Variants in CADPS observed in about 807,000 individuals in gnomAD.
CADPS encodes calcium dependent secretion activator.
Under a neutral mutation model 167.3 loss-of-function variants are expected in CADPS, and 57 were observed. The ratio of observed to expected loss-of-function variants is 0.34; its 90% CI spans 0.28 to 0.42. The LOEUF (loss-of-function observed/expected upper bound fraction) is 0.42, where lower values mean the gene tolerates loss of function less well. Ranked by LOEUF, CADPS falls within the 20% of genes least tolerant of loss-of-function variation. The probability of loss-of-function intolerance (pLI) is 1.00; values close to 1 mark genes in which losing one functional copy is unlikely to be tolerated. For synonymous variants in CADPS, 676 were observed against 635.3 expected (o/e 1.06, Z -0.96); for missense variants, 1,414 against 1,738.1 (o/e 0.81, Z 3.32).
intron 1 of CADPS, among the ~76,000 whole-genome samples, chr3:62,871,473 G>A (rs2082619615): frequency 6.6e-6 from 1 of 152,104 alleles, no homozygotes; most frequent in Non-Finnish European, 1.5e-5. Context: ...CACCTGACAT[G>A]TTGTTAGGAT....
chr3:62,646,079 G>T (rs780340419), intron 5 of CADPS, among the ~76,000 whole-genome samples: 2 of 152,026 alleles, frequency 1.3e-5, no homozygotes, highest in Admixed American at 6.6e-5. Context: ...GCTCACAGGG[G>T]CCAGACAGGC....
chr3:62,451,703 A>AT (rs1337386446), intron 26 of CADPS, among the ~76,000 whole-genome samples: 2 of 151,826 alleles, frequency 1.3e-5, no homozygotes, highest in African/African-American at 2.4e-5. Context: ...CTCTGAGTTA[A>AT]TTTTTTTTGT....
chr3:62,513,642 G>A, intron 16 of CADPS: 1 of 1,579,916 alleles, frequency 6.3e-7, no homozygotes, highest in Non-Finnish European at 8.7e-7. Context: ...ACTCACGAAT[G>A]GTTAAATCCA....
At chr3:62,662,813 C>A (rs570202598) in intron 3 of CADPS, among the ~76,000 whole-genome samples, 4 of 152,282 alleles carry the variant, frequency 2.6e-5, no homozygotes, top group African/African-American at 9.6e-5. Context: ...GGCACGGGTC[C>A]AGCCGCTCTC....
intron 6 of CADPS, among the ~76,000 whole-genome samples, chr3:62,638,107 A>ATATATATATG (rs1579348080): frequency 6.7e-6 from 1 of 150,334 alleles, no homozygotes; most frequent in African/African-American, 2.5e-5. Flanking sequence ...ATATATATAT[A>ATATATATATG]GCAATTAATT....
intron 1 of CADPS, among the ~76,000 whole-genome samples, chr3:62,843,810 A>G (rs1193379282): frequency 6.6e-6 from 1 of 152,074 alleles, no homozygotes; most frequent in Non-Finnish European, 1.5e-5. Flanking sequence ...ATATCCAACT[A>G]CAAGAGTAGG....
At chr3:62,870,821 T>G (rs1000847236) in intron 1 of CADPS, among the ~76,000 whole-genome samples, 1 of 152,196 alleles carries the variant, frequency 6.6e-6, no homozygotes, top group Admixed American at 6.5e-5. Context: ...AAGTAGCTAG[T>G]TCACACAAGG....
At chr3:62,810,113 C>T (rs760422082) in intron 1 of CADPS, among the ~76,000 whole-genome samples, 27 of 152,078 alleles carry the variant, frequency 1.8e-4, no homozygotes, top group African/African-American at 3.1e-4. Context: ...ACTACCATTA[C>T]GGGCCCCTAA....
At chr3:62,813,976 G>A (rs1254753159) in intron 1 of CADPS, among the ~76,000 whole-genome samples, 1 of 152,102 alleles carries the variant, frequency 6.6e-6, no homozygotes, top group Non-Finnish European at 1.5e-5. Flanking sequence ...TTCAACGACA[G>A]ACAGTGGCCA....
chr3:62,583,066 G>C (rs2083766324), intron 8 of CADPS, among the ~76,000 whole-genome samples: 8 of 151,820 alleles, frequency 5.3e-5, no homozygotes. Flanking sequence ...TTTTTTTAAA[G>C]GAAGTTTAAA....
intron 1 of CADPS, among the ~76,000 whole-genome samples, chr3:62,860,484 G>A (rs2080570207): frequency 6.6e-6 from 1 of 152,078 alleles, no homozygotes; most frequent in African/African-American, 2.4e-5. Context: ...AAGTCTCACC[G>A]TTGGCCCTGT....
chr3:62,863,653 A>G (rs2081202829), intron 1 of CADPS, among the ~76,000 whole-genome samples: 1 of 152,164 alleles, frequency 6.6e-6, no homozygotes, highest in Admixed American at 6.6e-5. Context: ...GGGAGCAAAG[A>G]TCTACTTACG....
At chr3:62,407,717 T>C (rs553026161) in intron 28 of CADPS, among the ~76,000 whole-genome samples, 6 of 152,260 alleles carry the variant, frequency 3.9e-5, no homozygotes, top group East Asian at 3.9e-4. Context: ...AGAAACATCA[T>C]GGATATACTT....
At chr3:62,592,576 C>T in intron 7 of CADPS, 61 bp downstream of exon 7, 4 of 1,304,990 alleles carry the variant, frequency 3.1e-6, no homozygotes, top group Non-Finnish European at 4.4e-6. Context: ...GACCTGTGCA[C>T]TGGAGACCTA....
chr3:62,842,279 CA>C (rs757897687), intron 1 of CADPS, among the ~76,000 whole-genome samples: 79 of 152,256 alleles, frequency 5.2e-4, no homozygotes, highest in Non-Finnish European at 1.0e-3. Flanking sequence ...CCCTGTTTTT[CA>C]GATGAGGAAA....
chr3:62,618,017 T>C (rs949169155), intron 6 of CADPS, among the ~76,000 whole-genome samples: 83 of 152,214 alleles, frequency 5.5e-4, no homozygotes, highest in African/African-American at 2.0e-3. Context: ...AGGTGGTCGT[T>C]CTTGACACTG....
At chr3:62,705,186 C>T (rs891698331) in intron 3 of CADPS, among the ~76,000 whole-genome samples, 1 of 152,132 alleles carries the variant, frequency 6.6e-6, no homozygotes, top group Non-Finnish European at 1.5e-5. Context: ...CCATTTGTGT[C>T]CTGTGCTCTA....
intron 24 of CADPS, among the ~76,000 whole-genome samples, chr3:62,467,030 T>C (rs1190568720): frequency 6.6e-6 from 1 of 152,176 alleles, no homozygotes; most frequent in East Asian, 1.9e-4. Flanking sequence ...TATGAGAGCC[T>C]ACACTGAGAC....
chr3:62,533,857 T>C (rs1408224441), intron 12 of CADPS, among the ~76,000 whole-genome samples: 2 of 152,240 alleles, frequency 1.3e-5, no homozygotes, highest in Non-Finnish European at 2.9e-5. Context: ...GAGGAACTTC[T>C]TGTGTCCTGG....
Sources: gnomAD v4.1 joint callset for allele counts (sites outside exome capture counted in the v4.1 genomes callset) on GRCh38, gnomAD v4.1.1 for gene constraint, MANE v1.5 for transcripts, NCBI Gene and HGNC (gene_info 2026-07-23, HGNC 2026-07-21) for gene names.